HDAC11: variants seen among roughly 807,000 people sequenced by gnomAD.
HDAC11 encodes histone deacetylase 11.
A neutral mutation model predicts 41.1 loss-of-function variants in HDAC11; 23 were observed. The observed-to-expected ratio is 0.56, with a 90% confidence interval of 0.40 to 0.79. The LOEUF (loss-of-function observed/expected upper bound fraction) is 0.79, where lower values mean the gene tolerates loss of function less well. Ranked by LOEUF, HDAC11 falls within the 30% of genes least tolerant of loss-of-function variation. HDAC11 has a pLI of 0.00. For synonymous variants in HDAC11, 187 were observed against 186.6 expected (o/e 1.00, Z -0.02); for missense variants, 402 against 477.3 (o/e 0.84, Z 1.47).
chr3:13,490,168 A>AT (rs371181773), intron 3 of HDAC11, among the ~76,000 whole-genome samples: 125 of 151,378 alleles, frequency 8.3e-4, no homozygotes, highest in African/African-American at 2.8e-3. Flanking sequence ...TAATTTTTCT[A>AT]TTTTTAGTAG....
chr3:13,486,575 T>G (rs926714545), intron 3 of HDAC11, among the ~76,000 whole-genome samples: 1,465 of 75,696 alleles, frequency 0.019, 8 homozygotes, highest in Non-Finnish European at 0.021. Context: ...AGAGGTGTTT[T>G]TTTTTTTTTT....
chr3:13,499,426 G>C (rs577908353), intron 5 of HDAC11, among the ~76,000 whole-genome samples: 1 of 152,060 alleles, frequency 6.6e-6, no homozygotes, highest in Non-Finnish European at 1.5e-5. Context: ...CACCTCGCTC[G>C]GCCTCCCAAA....
chr3:13,485,026 G>C (rs545890493), intron 3 of HDAC11, among the ~76,000 whole-genome samples: 62 of 152,234 alleles, frequency 4.1e-4, no homozygotes, highest in Non-Finnish European at 7.9e-4. Flanking sequence ...CACAGTGGAT[G>C]CCTGAGGCCA....
chr3:13,481,550 A>G (rs905519953), intron 2 of HDAC11, among the ~76,000 whole-genome samples, 156 bp downstream of exon 2: 3 of 152,020 alleles, frequency 2.0e-5, no homozygotes, highest in African/African-American at 7.2e-5. Context: ...GATTTTTCCA[A>G]CACAGACTCC....
rs1198916306 is a variant in HDAC11, at chr3:13,502,777, C to T, written c.553-107C>T. The T allele has an allele frequency of 4.0e-5, 31 of 767,394 alleles. 1 individual carries two copies. The highest frequency in any genetic ancestry group is 3.6e-4 in the East Asian group (14 of 39,276). The allele number at this position is 767,394 out of a possible 1,614,324, so 47.5% of individuals were successfully genotyped here. On this transcript the variant is annotated intron_variant, in intron 7 of 9. Coordinates refer to ENST00000295757, the MANE Select transcript of HDAC11 (RefSeq NM_024827.4). The surrounding 1 kb of genome is among the most constrained non-coding windows in gnomAD (Gnocchi z 4.1). ...AGACCTGCTGCCCCCGAGAGCAGGC[C>T]GTGCTGCCCTGGCAAATGGGGAGTT...
rs534625918 is a variant in HDAC11 at position 13,502,914 on chromosome 3, G to A, written c.583G>A (p.Asp195Asn). 11 of 1,613,516 alleles carry A rather than the reference G, an allele frequency of 6.8e-6. No homozygotes were observed. Among genetic ancestry groups the A allele is most frequent in the South Asian group, 1.1e-5 (1 of 91,050 alleles). Residue 195 changes from aspartate (D) to asparagine (N), a missense_variant, in exon 8 of 10, where the codon GAC (aspartate) becomes AAC (asparagine). By Grantham distance (23) the Asp-to-Asn change is conservative (BLOSUM62 1). Coordinates refer to ENST00000295757, the MANE Select transcript of HDAC11 (RefSeq NM_024827.4). This position sits in a 1 kb window ranked among gnomAD's most constrained non-coding sequence, Gnocchi z 4.1. ...TGGGCATGAGCGAGACTTCATGGACGACAAGCGTGTGTACATCATGGATGT... is the reference window on the plus strand; with the variant it reads ...TGGGCATGAGCGAGACTTCATGGACAACAAGCGTGTGTACATCATGGATGT... ...GNGHERDFMD[D>N]KRVYIMDVYN...
chr3:13,495,981 GTAAA>G (rs1461785180), intron 3 of HDAC11, among the ~76,000 whole-genome samples: 1 of 152,250 alleles, frequency 6.6e-6, no homozygotes, highest in Non-Finnish European at 1.5e-5. Flanking sequence ...CAGGCACTTA[GTAAA>G]TATTTACAAA....
Position 13,486,292 on chromosome 3 carries a change from AAAAGAT to A in HDAC11, c.252+2729_252+2734del, listed in dbSNP as rs1574889576. Among the ~76,000 whole-genome samples, 9 of 151,370 alleles carry A rather than the reference AAAAGAT, an allele frequency of 5.9e-5. No homozygotes were observed. The East Asian group carries it at 1.5e-3, about 26-fold the overall frequency. ...CAAAAAAAAAAAAAAAAAAAAAAGA[AAAAGAT>A]GAAGAAGTAGTCAGTCATTCAACAC... On this transcript the variant is annotated intron_variant, in intron 3 of 9. Coordinates refer to ENST00000295757, the MANE Select transcript of HDAC11 (RefSeq NM_024827.4).
chr3:13,500,645 A>G, intron 5 of HDAC11, 68 bp from the exon 6 acceptor site: 1 of 1,274,256 alleles, frequency 7.8e-7, no homozygotes, highest in South Asian at 1.3e-5. Context: ...AGGTGAAGGG[A>G]TGGAGGAGCT....
intron 3 of HDAC11, among the ~76,000 whole-genome samples, chr3:13,490,864 C>T (rs1701827555): frequency 6.7e-6 from 1 of 149,490 alleles, no homozygotes; most frequent in Non-Finnish European, 1.5e-5. Flanking sequence ...GATTTTTCTG[C>T]CTCAGCCTCC....
Position 13,486,711 on chromosome 3 carries a change from A to G in HDAC11, c.252+3147A>G, listed in dbSNP as rs377524484. Reference sequence around the variant, plus strand: ...TCCTGCCTCAGCCTCCCAAGTAGCTAGGATTACAGGCACCTGCCACCATGC... The same window carrying G: ...TCCTGCCTCAGCCTCCCAAGTAGCTGGGATTACAGGCACCTGCCACCATGC... On this transcript the variant is annotated intron_variant, in intron 3 of 9. Transcript: ENST00000295757. 2.3e-4 allele frequency among the ~76,000 whole-genome samples: 35 copies of G among 150,910 alleles called. 1 individual carries two copies. The highest frequency in any genetic ancestry group is 9.8e-4 in the East Asian group (5 of 5,108).
chr3:13,498,292 C>T (rs1049869394), intron 4 of HDAC11, among the ~76,000 whole-genome samples: 4 of 152,232 alleles, frequency 2.6e-5, no homozygotes, highest in Non-Finnish European at 5.9e-5. Flanking sequence ...TTCAAAGGTG[C>T]TTATGCACTG....
At chr3:13,493,067 C>T (rs927924536) in intron 3 of HDAC11, among the ~76,000 whole-genome samples, 99 of 152,302 alleles carry the variant, frequency 6.5e-4, no homozygotes, top group African/African-American at 2.2e-3. Flanking sequence ...TTGCCCAGGG[C>T]GAGACTATCA....
At position 13,489,544 on chromosome 3, in the gene HDAC11, A is replaced by G. The variant is rs547855819; in HGVS notation, c.252+5980A>G. ...CATAGATGTATGGATTTATTTCTAGACTCTCAATTCTATTCATTTTTTTGG... is the reference window on the plus strand; with the variant it reads ...CATAGATGTATGGATTTATTTCTAGGCTCTCAATTCTATTCATTTTTTTGG... On this transcript the variant is annotated intron_variant, in intron 3 of 9. Coordinates refer to ENST00000295757, the MANE Select transcript of HDAC11 (RefSeq NM_024827.4). Among the ~76,000 whole-genome samples the G allele has an allele frequency of 5.3e-5, 8 of 151,992 alleles. No homozygotes were observed. In the South Asian group the frequency reaches 1.5e-3, roughly 28 times the overall value.
intron 3 of HDAC11, among the ~76,000 whole-genome samples, chr3:13,490,136 G>A (rs1701781259): frequency 1.3e-5 from 2 of 152,126 alleles, no homozygotes; most frequent in South Asian, 4.1e-4. Flanking sequence ...TGGGATTACA[G>A]GCGCCCGGCA....
chr3:13,487,345 G>A (rs1194772248), intron 3 of HDAC11, among the ~76,000 whole-genome samples: 1 of 152,160 alleles, frequency 6.6e-6, no homozygotes, highest in Non-Finnish European at 1.5e-5. Flanking sequence ...TGTGTGTGCT[G>A]TGTAACATCC....
intron 3 of HDAC11, 70 bp from the exon 4 acceptor site, chr3:13,496,666 G>T: frequency 1.0e-6 from 1 of 986,652 alleles, no homozygotes; most frequent in South Asian, 1.5e-5. Flanking sequence ...CATTTCCCGG[G>T]GAACCAATTT....
At chr3:13,490,016 C>T (rs190540083) in intron 3 of HDAC11, among the ~76,000 whole-genome samples, 203 of 149,696 alleles carry the variant, frequency 1.4e-3, no homozygotes, top group East Asian at 0.011. Context: ...TTTTTTGAGA[C>T]GCAGTCTCGC....
At chr3:13,483,344 G>A (rs1431848903) in intron 2 of HDAC11, 120 bp from the exon 3 acceptor site, 9 of 774,590 alleles carry the variant, frequency 1.2e-5, no homozygotes, top group East Asian at 2.5e-5. Context: ...AGCCAGCAGT[G>A]CCTACCTACC....
Sources: gnomAD v4.1 joint callset for allele counts (sites outside exome capture counted in the v4.1 genomes callset) on GRCh38, gnomAD v4.1.1 for gene constraint, Gnocchi (gnomAD v3.1) non-coding constraint, MANE v1.5 for transcripts, NCBI Gene and HGNC (gene_info 2026-07-23, HGNC 2026-07-21) for gene names.